The following RGPD2 variants were observed in gnomAD, a reference collection of about 807,000 sequenced individuals.
The protein encoded by RGPD2 is RANBP2-like and GRIP domain-containing protein 2.
In RGPD2, 2 loss-of-function variants were observed where a neutral mutation model predicts 36.0. That is an observed-to-expected ratio of 0.06 (90% CI 0.02 to 0.17). The LOEUF (loss-of-function observed/expected upper bound fraction) is 0.17, where lower values mean the gene tolerates loss of function less well. Ranked by LOEUF, RGPD2 falls within the 10% of genes least tolerant of loss-of-function variation. The pLI, the probability that RGPD2 is intolerant of heterozygous loss-of-function variation, is 1.00. For synonymous variants in RGPD2, 19 were observed against 163.8 expected, an observed-to-expected ratio of 0.12 and a Z score of 6.75; for missense variants, 40 against 464.3, an observed-to-expected ratio of 0.09 and a Z score of 8.40.
the RGPD2 span, among the ~76,000 whole-genome samples, chr2:87,884,921 C>T: frequency 6.6e-6 from 1 of 152,180 alleles, no homozygotes; most frequent in South Asian, 2.1e-4. Context: ...AAAAAGAGTA[C>T]TTCCAAACTA....
At chr2:87,861,809 C>T in the RGPD2 span, among the ~76,000 whole-genome samples, 1 of 127,064 alleles carries the variant, frequency 7.9e-6, no homozygotes, top group Non-Finnish European at 1.7e-5. Context: ...TATCTGAGTA[C>T]ACATGACTCA....
Position 87,825,689 on chromosome 2 carries a change from G to A in RGPD2, c.41C>T (p.Ser14Leu), listed in dbSNP as rs765231236. Reference sequence around the variant, plus strand: ...AGGCGACGGGGCGGAGCCCTGCACCGAGGCGAGGTACCGCTCCCCGTAGGC... The same window carrying A: ...AGGCGACGGGGCGGAGCCCTGCACCAAGGCGAGGTACCGCTCCCCGTAGGC... ...SKAYGERYLA[S>L]VQGSAPSPGK... The change falls in exon 1 of 23, where the codon TCG (serine) becomes TTG (leucine). Residue 14 changes from serine to leucine, a missense_variant. Ser to Leu is a moderately radical substitution (Grantham distance 145). Coordinates refer to ENST00000398146, the MANE Select transcript of RGPD2 (RefSeq NM_001078170.3). 8.1e-5 allele frequency: 130 copies of A among 1,599,538 alleles called. No homozygotes were observed. Among genetic ancestry groups the A allele is most frequent in the African/African-American group, 3.2e-4 (24 of 74,600 alleles).
the RGPD2 span, among the ~76,000 whole-genome samples, chr2:87,964,497 A>C: frequency 6.6e-6 from 1 of 152,182 alleles, no homozygotes; most frequent in Non-Finnish European, 1.5e-5. Context: ...TGACAAATTG[A>C]AAGTTTATGC....
At chr2:87,934,025 G>A in the RGPD2 span, among the ~76,000 whole-genome samples, 2 of 111,590 alleles carry the variant, frequency 1.8e-5, no homozygotes, top group African/African-American at 4.2e-5. Flanking sequence ...GTTTGTTCAT[G>A]AGTTTTGCAA....
chr2:87,880,356 T>C, the RGPD2 span, among the ~76,000 whole-genome samples: 1 of 143,352 alleles, frequency 7.0e-6, no homozygotes, highest in African/African-American at 2.6e-5. Flanking sequence ...TTGCTCAAAC[T>C]TTTATAATCA....
At chr2:87,830,331 A>G (rs531612210), upstream of RGPD2, among the ~76,000 whole-genome samples, 272 of 152,358 alleles carry the variant, frequency 1.8e-3, 1 homozygote, top group African/African-American at 6.2e-3. Context: ...TCTGAAATCT[A>G]TCTAGAGATT....
At chr2:87,854,752 C>T in the RGPD2 span, among the ~76,000 whole-genome samples, 4 of 151,980 alleles carry the variant, frequency 2.6e-5, no homozygotes, top group East Asian at 7.7e-4. Context: ...CGTATGAATG[C>T]ACCACAGTTT....
the RGPD2 span, among the ~76,000 whole-genome samples, chr2:87,934,889 T>C: frequency 6.6e-6 from 1 of 150,548 alleles, no homozygotes; most frequent in Non-Finnish European, 1.5e-5. Flanking sequence ...CAATTTAATT[T>C]TCCAAGCATA....
the RGPD2 span, chr2:87,985,843 A>G: frequency 3.7e-6 from 6 of 1,610,918 alleles, no homozygotes; most frequent in South Asian, 1.1e-5. Context: ...TGGACATTGT[A>G]CCACTTGACA....
intron 1 of RGPD2, among the ~76,000 whole-genome samples, chr2:87,824,769 CCGGCCAG>C (rs1558738404): frequency 8.9e-6 from 1 of 112,676 alleles, no homozygotes; most frequent in Non-Finnish European, 1.9e-5. Flanking sequence ...CCGCCGCCGC[CCGGCCAG>C]GCCGAGGCCG....
At chr2:87,988,542 T>TATATATATATATATATATATATA in the RGPD2 span, among the ~76,000 whole-genome samples, 304 of 37,178 alleles carry the variant, frequency 8.2e-3, 5 homozygotes, top group Middle Eastern at 0.013. Flanking sequence ...TATATATATA[T>TATATATATATATATATATATATA]TTTTTTTTTT....
chr2:87,911,565 G>A, the RGPD2 span, among the ~76,000 whole-genome samples: 1 of 151,890 alleles, frequency 6.6e-6, no homozygotes, highest in Non-Finnish European at 1.5e-5. Context: ...TAAACTATTA[G>A]TCAATGTAAT....
the RGPD2 span, among the ~76,000 whole-genome samples, chr2:87,857,010 G>A: frequency 6.6e-6 from 1 of 152,152 alleles, no homozygotes; most frequent in Non-Finnish European, 1.5e-5. Flanking sequence ...CTTTTTGCTT[G>A]TCATTATCCA....
At chr2:87,951,392 G>T in the RGPD2 span, among the ~76,000 whole-genome samples, 1 of 151,838 alleles carries the variant, frequency 6.6e-6, no homozygotes, top group African/African-American at 2.4e-5. Context: ...CTGTAATAAA[G>T]TTTCACTATG....
At chr2:87,916,590 A>G in the RGPD2 span, among the ~76,000 whole-genome samples, 1 of 144,728 alleles carries the variant, frequency 6.9e-6, no homozygotes, top group African/African-American at 2.6e-5. Flanking sequence ...TTCTAGTGAT[A>G]GTGAGTGAGT....
the RGPD2 span, among the ~76,000 whole-genome samples, chr2:87,984,439 A>T: frequency 6.6e-6 from 1 of 151,700 alleles, no homozygotes; most frequent in African/African-American, 2.4e-5. Flanking sequence ...ATTATGATAA[A>T]ACTACACTAT....
chr2:87,760,617 CTTTTTTT>C (rs1167386408), intron 22 of RGPD2, among the ~76,000 whole-genome samples: 5 of 10,496 alleles, frequency 4.8e-4, no homozygotes, highest in Admixed American at 8.4e-4. Flanking sequence ...GTTTCTTTCT[CTTTTTTT>C]TTTTTTTTTT....
chr2:87,864,333 T>C, the RGPD2 span, among the ~76,000 whole-genome samples: 3 of 152,294 alleles, frequency 2.0e-5, no homozygotes, highest in African/African-American at 7.2e-5. Flanking sequence ...CTCTGGTTCT[T>C]AGGCCTTTGC....
the RGPD2 span, among the ~76,000 whole-genome samples, chr2:87,969,965 T>C: frequency 6.6e-6 from 1 of 150,776 alleles, no homozygotes; most frequent in Non-Finnish European, 1.5e-5. Context: ...AAAACTTTAA[T>C]GAAAAATACA....
Sources: allele counts gnomAD v4.1 joint callset (sites outside exome capture counted in the v4.1 genomes callset), GRCh38; gene constraint gnomAD v4.1.1; transcripts MANE v1.5; gene names NCBI Gene and HGNC (gene_info 2026-07-23, HGNC 2026-07-21).